SPOCK1: variants seen among roughly 807,000 people sequenced by gnomAD.
SPOCK1 encodes testican-1.
Under a neutral mutation model 55.3 loss-of-function variants are expected in SPOCK1, and 23 were observed. The observed-to-expected ratio is 0.42, with a 90% CI of 0.30 to 0.59. The LOEUF (loss-of-function observed/expected upper bound fraction) is 0.59, where lower values mean the gene tolerates loss of function less well. SPOCK1 is among the 20% of genes least tolerant of loss of function. The pLI is 0.22. For synonymous variants in SPOCK1, 226 were observed against 221.0 expected, an observed-to-expected ratio of 1.02 and a Z score of -0.20; for missense variants, 499 against 552.5, an observed-to-expected ratio of 0.90 and a Z score of 0.97.
intron 2 of SPOCK1, among the ~76,000 whole-genome samples, chr5:137,359,271 G>A (rs1286082523): frequency 1.3e-5 from 2 of 152,140 alleles, no homozygotes; most frequent in Non-Finnish European, 2.9e-5. Context: ...TTGGTTATAA[G>A]ACCCCTCTCT....
chr5:137,057,804 C>A lies in SPOCK1; in HGVS notation c.589+9911G>T, dbSNP rs570403605. Among the ~76,000 whole-genome samples, 11 of 152,300 alleles carry A rather than the reference C, an allele frequency of 7.2e-5. No individual in the cohort carries two copies. In the South Asian group the frequency reaches 2.3e-3, roughly 32 times the overall value. ...AATTTATTTTTTATTGTAATGCTGT[C>A]TTTTCTTTTCACAGTAATGGATAGC... On this transcript the variant is annotated intron_variant, in intron 6 of 10. Coordinates refer to ENST00000394945, the MANE Select transcript of SPOCK1 (RefSeq NM_004598.4).
At chr5:137,013,357 T>C (rs1414031173) in intron 6 of SPOCK1, among the ~76,000 whole-genome samples, 1 of 152,234 alleles carries the variant, frequency 6.6e-6, no homozygotes, top group Non-Finnish European at 1.5e-5. Flanking sequence ...TTTGTGGATA[T>C]TTCCTGAAAA....
chr5:137,163,285 T>C (rs1226719559), intron 3 of SPOCK1, among the ~76,000 whole-genome samples: 2 of 152,188 alleles, frequency 1.3e-5, no homozygotes, highest in Non-Finnish European at 2.9e-5. Flanking sequence ...CACAGGACTC[T>C]TTCTAGTGAT....
chr5:137,250,154 T>C (rs1666452160), intron 3 of SPOCK1, among the ~76,000 whole-genome samples: 2 of 152,254 alleles, frequency 1.3e-5, no homozygotes, highest in Non-Finnish European at 2.9e-5. Context: ...TTTCCACAGA[T>C]AAAATTTTAT....
chr5:137,426,898 T>C (rs957892247), intron 2 of SPOCK1, among the ~76,000 whole-genome samples: 1 of 152,192 alleles, frequency 6.6e-6, no homozygotes, highest in African/African-American at 2.4e-5. Context: ...TATTGCTGTA[T>C]GTGGCACAGA....
chr5:137,099,607 TAC>T (rs1206583735), intron 5 of SPOCK1, among the ~76,000 whole-genome samples: 21 of 151,922 alleles, frequency 1.4e-4, no homozygotes, highest in African/African-American at 3.4e-4. Flanking sequence ...CACATATATA[TAC>T]ACACACATAT....
In SPOCK1 at chr5:136,988,519, G is replaced by A. The variant is rs138803538; in HGVS notation, c.831C>T (p.Tyr277=). 3.9e-5 allele frequency: 63 copies of A among 1,613,990 alleles called. No individual in the cohort carries two copies. Among genetic ancestry groups the A allele is most frequent in the South Asian group, 3.7e-4 (34 of 91,082 alleles). ...TGAAAAGAGGCTTGATACAGGGCTC[G>A]TACTTATCCAGGTAGATGGCATTGA... ...SEINAIYLDK[Y]EPCIKPLFNS... is the part of the protein sequence containing the mutation. Residue 277 remains tyrosine, a synonymous_variant, in exon 8 of 11, where the codon TAC becomes TAT. Transcript: ENST00000394945.
chr5:137,375,153 T>TA (rs141539420), intron 2 of SPOCK1, among the ~76,000 whole-genome samples: 19,500 of 151,974 alleles, frequency 0.13, 1,565 homozygotes, highest in East Asian at 0.27. Context: ...AGCCAAGCTT[T>TA]AAAAAAAAGT....
At chr5:137,217,865 G>A (rs192738192) in intron 3 of SPOCK1, among the ~76,000 whole-genome samples, 215 of 152,210 alleles carry the variant, frequency 1.4e-3, no homozygotes, top group Non-Finnish European at 2.6e-3. Flanking sequence ...AGTGACAAGC[G>A]GGAATAGAAA....
At chr5:137,492,059 G>A (rs2149845549) in intron 2 of SPOCK1, among the ~76,000 whole-genome samples, 1 of 152,286 alleles carries the variant, frequency 6.6e-6, no homozygotes, top group Admixed American at 6.5e-5. Context: ...GTGGACATCT[G>A]TTGACATCTG....
chr5:137,332,082 G>A (rs1432052467), intron 2 of SPOCK1, among the ~76,000 whole-genome samples: 1 of 152,178 alleles, frequency 6.6e-6, no homozygotes, highest in Admixed American at 6.5e-5. Flanking sequence ...CAGGTGGTCA[G>A]TGTGGCTTCT....
intron 6 of SPOCK1, among the ~76,000 whole-genome samples, chr5:137,040,811 A>G (rs1432676235): frequency 6.6e-6 from 1 of 152,208 alleles, no homozygotes; most frequent in East Asian, 1.9e-4. Flanking sequence ...ATGAGAGATG[A>G]TGAGGCATAA....
intron 2 of SPOCK1, among the ~76,000 whole-genome samples, chr5:137,399,553 T>A (rs1174562313): frequency 6.6e-6 from 1 of 151,766 alleles, no homozygotes; most frequent in African/African-American, 2.4e-5. Flanking sequence ...TTTGTCTCCA[T>A]CATCGAAAAC....
chr5:137,005,369 A>G (rs575990177), intron 6 of SPOCK1, among the ~76,000 whole-genome samples: 3 of 150,732 alleles, frequency 2.0e-5, no homozygotes, highest in African/African-American at 7.3e-5. Context: ...AGTGAGTTAC[A>G]AAAGAGCAGC....
rs533318537 is a variant in SPOCK1 at position 137,481,188 on chromosome 5, T to C, written c.186+17185A>G. The stretch of plus-strand genomic sequence containing the variant: ...CACAATTCAGAGCAGATGCCTTCTC[T>C]CTCTCTGCAAGCCTCTCTGACCTCT... On this transcript the variant is annotated intron_variant, in intron 2 of 10. Transcript: ENST00000394945. Among the ~76,000 whole-genome samples the C allele has an allele frequency of 8.3e-5, 4 of 48,104 alleles. No homozygotes were observed. The South Asian group carries it at 1.9e-3, about 23-fold the overall frequency. The allele number at this position is 48,104 out of a possible 152,430, so 31.6% of individuals were successfully genotyped here.
chr5:137,288,588 G>A (rs570928257), intron 2 of SPOCK1, among the ~76,000 whole-genome samples: 5 of 152,270 alleles, frequency 3.3e-5, no homozygotes, highest in East Asian at 1.9e-4. Flanking sequence ...GAATCAAATC[G>A]CTAGCCTCTC....
chr5:136,994,130 G>A (rs753449518), intron 6 of SPOCK1, among the ~76,000 whole-genome samples: 4 of 152,122 alleles, frequency 2.6e-5, no homozygotes, highest in Non-Finnish European at 5.9e-5. Flanking sequence ...TCTCATTTAC[G>A]ACGCTGCCTT....
At chr5:137,378,481 G>A (rs1303832229) in intron 2 of SPOCK1, among the ~76,000 whole-genome samples, 6 of 152,208 alleles carry the variant, frequency 3.9e-5, no homozygotes, top group African/African-American at 7.2e-5. Context: ...GCTAAATGGC[G>A]GTAACTTGTC....
chr5:136,980,628 T>C (rs1477450472), intron 9 of SPOCK1, among the ~76,000 whole-genome samples: 1 of 152,192 alleles, frequency 6.6e-6, no homozygotes, highest in African/African-American at 2.4e-5. Flanking sequence ...TCCGCCATGA[T>C]TGTGAGGCCT....
Sources: gnomAD v4.1 joint callset for allele counts (sites outside exome capture counted in the v4.1 genomes callset) on GRCh38, gnomAD v4.1.1 for gene constraint, MANE v1.5 for transcripts, NCBI Gene and HGNC (gene_info 2026-07-23, HGNC 2026-07-21) for gene names.